CORIN: variants seen among roughly 807,000 people sequenced by gnomAD.
CORIN encodes the protein atrial natriuretic peptide-converting enzyme.
Under a neutral mutation model 125.3 loss-of-function variants are expected in CORIN, and 117 were observed. That is an observed-to-expected ratio of 0.93 (90% CI 0.80 to 1.09). The LOEUF (loss-of-function observed/expected upper bound fraction) is 1.09. CORIN is among the 50% of genes least tolerant of loss of function. The pLI, the probability that CORIN is intolerant of heterozygous loss-of-function variation, is 0.00. For synonymous variants in CORIN, 450 were observed against 466.4 expected (o/e 0.96, Z 0.45); for missense variants, 1,253 against 1,306.7 (o/e 0.96, Z 0.63).
At chr4:47,746,712 TTAG>T (rs1182259902) in intron 4 of CORIN, among the ~76,000 whole-genome samples, 1 of 152,064 alleles carries the variant, frequency 6.6e-6, no homozygotes, top group Non-Finnish European at 1.5e-5. Flanking sequence ...TTTTGTATTT[TTAG>T]TAGAGACAGG....
chr4:47,760,816 T>A (rs1293900092), intron 4 of CORIN, among the ~76,000 whole-genome samples: 1 of 152,352 alleles, frequency 6.6e-6, no homozygotes, highest in South Asian at 2.1e-4. Context: ...TCTTTATCAA[T>A]GATCTTAGCT....
At position 47,809,240 on chromosome 4, in the gene CORIN, T is replaced by C. The variant is rs141208430; in HGVS notation, c.64-2193A>G. On this transcript the variant is annotated intron_variant, in intron 1 of 21. Transcript: ENST00000273857. ...TGCCATCTGGACTCCTGGAGCCAGA[T>C]ACATCTCATTTAGCATTTATAAGTA... Among the ~76,000 whole-genome samples the C allele has an allele frequency of 4.7e-4, 72 of 152,276 alleles. 1 individual carries two copies. The East Asian group carries it at 0.014, about 29-fold the overall frequency.
At chr4:47,820,830 A>G (rs1014686696) in intron 1 of CORIN, among the ~76,000 whole-genome samples, 3 of 152,242 alleles carry the variant, frequency 2.0e-5, no homozygotes, top group Non-Finnish European at 4.4e-5. Flanking sequence ...GTCAATTGTT[A>G]CACAAATATT....
intron 5 of CORIN, chr4:47,706,525 G>A (rs1726565303): frequency 1.2e-6 from 2 of 1,611,284 alleles, no homozygotes; most frequent in Non-Finnish European, 1.7e-6. Context: ...GCGCCAACTG[G>A]GCTACAAGGC....
chr4:47,828,955 G>A (rs985967965), intron 1 of CORIN, among the ~76,000 whole-genome samples: 3 of 151,740 alleles, frequency 2.0e-5, no homozygotes, highest in Admixed American at 1.3e-4. Context: ...TCAGGAGATC[G>A]AGACCATCTT....
At chr4:47,717,364 G>A (rs966113407) in intron 5 of CORIN, among the ~76,000 whole-genome samples, 7 of 151,996 alleles carry the variant, frequency 4.6e-5, no homozygotes, top group East Asian at 1.9e-4. Context: ...GCAGACTCCC[G>A]GGATCTCAGC....
chr4:47,837,839 G>C (rs541611168), intron 1 of CORIN, 48 bp downstream of exon 1: 6 of 1,519,880 alleles, frequency 3.9e-6, no homozygotes, highest in East Asian at 2.2e-5. Context: ...CCGGGACTAA[G>C]AGGCCATCAC....
At chr4:47,669,687 G>T (rs1724653418) in intron 10 of CORIN, among the ~76,000 whole-genome samples, 1 of 151,740 alleles carries the variant, frequency 6.6e-6, no homozygotes, top group African/African-American at 2.4e-5. Flanking sequence ...TCCTGCCTCA[G>T]CTTCCCGAGT....
chr4:47,616,525 G>T (rs996668908), intron 19 of CORIN, among the ~76,000 whole-genome samples: 1 of 152,142 alleles, frequency 6.6e-6, no homozygotes, highest in Admixed American at 6.5e-5. Context: ...TATTTTAGAA[G>T]AAAATGAAAG....
chr4:47,818,606 C>T (rs1335859362), intron 1 of CORIN, among the ~76,000 whole-genome samples: 2 of 152,128 alleles, frequency 1.3e-5, no homozygotes. Flanking sequence ...CAAGGTGGCT[C>T]ACACCTGTAA....
At chr4:47,792,730 A>G (rs1233445208) in intron 2 of CORIN, among the ~76,000 whole-genome samples, 1 of 152,130 alleles carries the variant, frequency 6.6e-6, no homozygotes, top group Non-Finnish European at 1.5e-5. Context: ...AGCAAAACTA[A>G]AAAGTGTTGC....
intron 1 of CORIN, among the ~76,000 whole-genome samples, chr4:47,832,493 G>A (rs114612267): frequency 0.017 from 2,425 of 143,250 alleles, 67 homozygotes; most frequent in African/African-American, 0.06. Flanking sequence ...CACCCAGGCC[G>A]GAGTGCACTG....
intron 1 of CORIN, among the ~76,000 whole-genome samples, chr4:47,811,136 T>C (rs1424487805): frequency 6.6e-6 from 1 of 152,198 alleles, no homozygotes; most frequent in African/African-American, 2.4e-5. Flanking sequence ...TTTACCTATA[T>C]TTATCCATGC....
intron 1 of CORIN, among the ~76,000 whole-genome samples, chr4:47,818,879 A>G (rs1732385423): frequency 1.6e-5 from 2 of 127,808 alleles, no homozygotes; most frequent in South Asian, 2.3e-4. Flanking sequence ...TCAAAAACAG[A>G]AAAAAAAAAA....
chr4:47,749,201 G>A (rs1365281354), intron 4 of CORIN, among the ~76,000 whole-genome samples: 1 of 152,080 alleles, frequency 6.6e-6, no homozygotes, highest in Non-Finnish European at 1.5e-5. Context: ...TTCATGCCCT[G>A]TTTAATCCCC....
intron 5 of CORIN, among the ~76,000 whole-genome samples, chr4:47,719,927 G>C (rs902183696): frequency 2.0e-5 from 3 of 152,140 alleles, no homozygotes. Context: ...TGTTGCCCAC[G>C]ACTTTTGAGT....
chr4:47,819,950 C>A (rs1179458940), intron 1 of CORIN, among the ~76,000 whole-genome samples: 3 of 152,148 alleles, frequency 2.0e-5, no homozygotes, highest in African/African-American at 7.2e-5. Context: ...ATTTTATAGA[C>A]CATCCAGGGG....
At chr4:47,648,822 G>C (rs1178092697) in intron 13 of CORIN, among the ~76,000 whole-genome samples, 3 of 152,134 alleles carry the variant, frequency 2.0e-5, no homozygotes, top group Non-Finnish European at 4.4e-5. Flanking sequence ...TCTGGATCCA[G>C]CCATCCTGGA....
intron 4 of CORIN, among the ~76,000 whole-genome samples, chr4:47,749,522 C>A (rs1021282163): frequency 1.1e-4 from 17 of 152,156 alleles, no homozygotes; most frequent in African/African-American, 4.1e-4. Flanking sequence ...TCAGATAAGA[C>A]CCCAACCCTG....
Sources: allele counts gnomAD v4.1 joint callset (sites outside exome capture counted in the v4.1 genomes callset), GRCh38; gene constraint gnomAD v4.1.1; transcripts MANE v1.5; gene names NCBI Gene and HGNC (gene_info 2026-07-23, HGNC 2026-07-21).